The following SMG9 variants were observed in gnomAD, a reference collection of about 807,000 sequenced individuals.
The protein encoded by SMG9 is nonsense-mediated mRNA decay factor SMG9.
In SMG9, 55 loss-of-function variants were observed where a neutral mutation model predicts 64.0. That is an observed-to-expected ratio of 0.86 (90% CI 0.69 to 1.08). The LOEUF is 1.08. Ranked by LOEUF, SMG9 falls within the 50% of genes least tolerant of loss-of-function variation. The pLI, the probability that SMG9 is intolerant of heterozygous loss-of-function variation, is 0.00. For synonymous variants in SMG9, 244 were observed against 254.8 expected, an observed-to-expected ratio of 0.96 and a Z score of 0.41; for missense variants, 554 against 681.3, an observed-to-expected ratio of 0.81 and a Z score of 2.08.
intron 1 of SMG9, among the ~76,000 whole-genome samples, chr19:43,753,934 C>G (rs77800606): frequency 1.1e-4 from 8 of 69,864 alleles, no homozygotes; most frequent in African/African-American, 1.0e-3. Flanking sequence ...AAAAAAAAAA[C>G]CCCACCCACA....
intron 2 of SMG9, among the ~76,000 whole-genome samples, chr19:43,749,205 C>T (rs1373572509): frequency 2.0e-5 from 3 of 152,052 alleles, no homozygotes; most frequent in Admixed American, 6.6e-5. Flanking sequence ...TATAACCAGG[C>T]GGCAGAATGT....
Position 43,731,392 on chromosome 19 carries a change from G to T in SMG9, c.*204C>A. On this transcript the variant is annotated 3_prime_UTR_variant, in exon 14 of 14. Coordinates refer to ENST00000270066, the MANE Select transcript of SMG9 (RefSeq NM_019108.4). ...CCCATCTCAGGTTTGGGGTGGGATC[G>T]CTCACAGTCACCCCCGGAACAGCCC... 7.2e-7 allele frequency: 1 copy of T among 1,380,950 alleles called. No homozygotes were observed. Among genetic ancestry groups the T allele is most frequent in the Non-Finnish European group, 9.4e-7 (1 of 1,066,686 alleles). The allele number at this position is 1,380,950 out of a possible 1,614,324, so 85.5% of individuals were successfully genotyped here. A position where few individuals can be genotyped will look rare whatever the true frequency, so the allele number is the denominator to read the frequency against.
At chr19:43,744,256 A>T (rs1047547657) in intron 6 of SMG9, among the ~76,000 whole-genome samples, 4 of 152,230 alleles carry the variant, frequency 2.6e-5, no homozygotes, top group African/African-American at 9.6e-5. Flanking sequence ...AGGCTGGTAC[A>T]GAAACCACTC....
chr19:43,744,717 C>A lies in SMG9; in HGVS notation c.701+55G>T. ...TTGAAACACCCAAGCCCACCTTGCC[C>A]CTGCTCCCAGTGGGTGCCCACCTCC... On this transcript the variant is annotated intron_variant, in intron 6 of 13. Coordinates refer to ENST00000270066, the MANE Select transcript of SMG9 (RefSeq NM_019108.4). The A allele has an allele frequency of 2.2e-6, 3 of 1,387,110 alleles. No individual in the cohort carries two copies. In the South Asian group the frequency reaches 3.7e-5, roughly 17 times the overall value. 85.9% of individuals were successfully genotyped at this position (1,387,110 alleles called of 1,614,324 possible).
chr19:43,728,223 G>A lies in SMG9; in HGVS notation c.*3373C>T. 1 of 152,180 alleles carries A rather than the reference G, an allele frequency of 6.6e-6. No individual in the cohort carries two copies. Among genetic ancestry groups the A allele is most frequent in the African/African-American group, 2.4e-5 (1 of 41,432 alleles). The allele number at this position is 152,180 out of a possible 1,614,324, so 9.4% of individuals were successfully genotyped here. On this transcript the variant is annotated 3_prime_UTR_variant, in exon 14 of 14. Coordinates refer to ENST00000270066, the MANE Select transcript of SMG9 (RefSeq NM_019108.4). ...GCCTGGCGGGAGGGACGGCATCATG[G>A]GGGTGGTTTCTCATGGTTCAGCGCC...
In SMG9 at chr19:43,741,796, C is replaced by T. The variant is rs571279005; in HGVS notation, c.702-1578G>A. On this transcript the variant is annotated intron_variant, in intron 6 of 13. Coordinates refer to ENST00000270066, the MANE Select transcript of SMG9 (RefSeq NM_019108.4). ...CTTAGCAAGGCCTTCCCTCACCATC[C>T]TATTTAAAACTATAACCTAGTCTGG... Among the ~76,000 whole-genome samples the T allele has an allele frequency of 3.9e-5, 6 of 152,276 alleles. No homozygotes were observed. In the East Asian group the frequency reaches 9.6e-4, roughly 24 times the overall value.
chr19:43,729,829 C>T lies in SMG9; in HGVS notation c.*1767G>A, dbSNP rs1057432618. The T allele has an allele frequency of 6.6e-6, 1 of 152,360 alleles. No individual in the cohort carries two copies. The highest frequency in any genetic ancestry group is 1.5e-5 in the Non-Finnish European group (1 of 68,184). 9.4% of individuals were successfully genotyped at this position (152,360 alleles called of 1,614,324 possible). A position where few individuals can be genotyped will look rare whatever the true frequency, so the allele number is the denominator to read the frequency against. On this transcript the variant is annotated 3_prime_UTR_variant, in exon 14 of 14. Coordinates refer to ENST00000270066, the MANE Select transcript of SMG9 (RefSeq NM_019108.4). Reference sequence around the variant, plus strand: ...TTCGGTAAAAGGGCAGTGAATGTCACAGCTCTGAAGGGCCTCGAGGATGAT... The same window carrying T: ...TTCGGTAAAAGGGCAGTGAATGTCATAGCTCTGAAGGGCCTCGAGGATGAT...
chr19:43,731,005 G>T lies in SMG9; in HGVS notation c.*591C>A. ...TCCAAAACATACACAGGGGAGGCTTGATGCCACCCCAGGAAACAGAATAAC... is the reference window on the plus strand; with the variant it reads ...TCCAAAACATACACAGGGGAGGCTTTATGCCACCCCAGGAAACAGAATAAC... On this transcript the variant is annotated 3_prime_UTR_variant, in exon 14 of 14. Coordinates refer to ENST00000270066, the MANE Select transcript of SMG9 (RefSeq NM_019108.4). 1 of 527,956 alleles carries T rather than the reference G, an allele frequency of 1.9e-6. No individual in the cohort carries two copies. The highest frequency in any genetic ancestry group is 2.4e-6 in the Non-Finnish European group (1 of 411,770). 32.7% of individuals were successfully genotyped at this position (527,956 alleles called of 1,614,324 possible). A position where few individuals can be genotyped will look rare whatever the true frequency, so the allele number is the denominator to read the frequency against.
At chr19:43,746,608 G>A (rs924253648) in intron 5 of SMG9, among the ~76,000 whole-genome samples, 4 of 152,128 alleles carry the variant, frequency 2.6e-5, no homozygotes, top group Non-Finnish European at 5.9e-5. Flanking sequence ...TAGGAGAGGT[G>A]ACACCTCTGG....
rs947856900 is a variant in SMG9, at chr19:43,731,340, C to T, written c.*256G>A. On this transcript the variant is annotated 3_prime_UTR_variant, in exon 14 of 14. Coordinates refer to ENST00000270066, the MANE Select transcript of SMG9 (RefSeq NM_019108.4). ...CATTCAGACTCCTCCCACTGCTTGT[C>T]CCTGTGGAGGACACAGGACGGGCTA... 1.9e-5 allele frequency: 25 copies of T among 1,290,466 alleles called. No homozygotes were observed. Among genetic ancestry groups the T allele is most frequent in the Middle Eastern group, 3.0e-4 (1 of 3,348 alleles). The allele number at this position is 1,290,466 out of a possible 1,614,324, so 79.9% of individuals were successfully genotyped here.
intron 7 of SMG9, 95 bp downstream of exon 7, chr19:43,740,012 A>G (rs776085697): frequency 1.1e-6 from 1 of 913,616 alleles, no homozygotes; most frequent in South Asian, 1.3e-5. Context: ...CTGGAAGCAC[A>G]TGGAATCCAC....
rs1968807482 is a variant in SMG9, at chr19:43,740,257, G to T, written c.702-39C>A. ...CAGGCAGGGGTGTGTGAGAGCTCTG[G>T]TTCTCAGCCTTGGATGCATCCGAAG... On this transcript the variant is annotated intron_variant, in intron 6 of 13. Transcript: ENST00000270066. The T allele has an allele frequency of 2.8e-6, 4 of 1,441,906 alleles. No individual in the cohort carries two copies. The African/African-American group carries it at 4.2e-5, about 15-fold the overall frequency. 89.3% of individuals were successfully genotyped at this position (1,441,906 alleles called of 1,614,324 possible).
At chr19:43,748,815 C>A (rs369375403) in intron 2 of SMG9, 3 of 520,014 alleles carry the variant, frequency 5.8e-6, no homozygotes, top group African/African-American at 1.9e-5. Flanking sequence ...CTTACTTAAA[C>A]CCTGCTCACT....
intron 6 of SMG9, among the ~76,000 whole-genome samples, chr19:43,742,524 G>A (rs949990677): frequency 2.0e-5 from 3 of 152,246 alleles, no homozygotes; most frequent in East Asian, 1.9e-4. Flanking sequence ...ATATTCTAAC[G>A]TGCCGAATAG....
At chr19:43,750,863 C>A in intron 1 of SMG9, 116 bp from the exon 2 acceptor site, 1 of 981,118 alleles carries the variant, frequency 1.0e-6, no homozygotes, top group South Asian at 1.9e-5. Flanking sequence ...GTCTCTCTGT[C>A]GCCCAGGCTG....
intron 10 of SMG9, 168 bp from the exon 11 acceptor site, chr19:43,733,901 G>A: frequency 1.6e-6 from 1 of 606,286 alleles, no homozygotes; most frequent in Non-Finnish European, 2.9e-6. Context: ...GCAATGCTGG[G>A]GACCCAGAAG....
At chr19:43,742,275 A>G (rs1968868648) in intron 6 of SMG9, among the ~76,000 whole-genome samples, 1 of 152,192 alleles carries the variant, frequency 6.6e-6, no homozygotes, top group Non-Finnish European at 1.5e-5. Flanking sequence ...TGTCTCTACA[A>G]AAAATTAAAA....
At chr19:43,750,880 A>G in intron 1 of SMG9, 133 bp from the exon 2 acceptor site, 2 of 774,910 alleles carry the variant, frequency 2.6e-6, no homozygotes. Flanking sequence ...GCTGGAGTAC[A>G]GTGGCCTGAT....
chr19:43,742,296 G>A (rs1470162189), intron 6 of SMG9, among the ~76,000 whole-genome samples: 2 of 152,156 alleles, frequency 1.3e-5, no homozygotes, highest in Non-Finnish European at 2.9e-5. Context: ...AATTAGTTGG[G>A]CATGGTGGTG....
Sources: allele counts gnomAD v4.1 joint callset (sites outside exome capture counted in the v4.1 genomes callset), GRCh38; gene constraint gnomAD v4.1.1; transcripts MANE v1.5; gene names NCBI Gene and HGNC (gene_info 2026-07-23, HGNC 2026-07-21).